The following CDH7 variants were observed in gnomAD, a reference collection of about 807,000 sequenced individuals.
CDH7 encodes the protein cadherin-7.
CDH7 carries 25 observed loss-of-function variants against 71.8 expected under a neutral mutation model. The observed-to-expected ratio is 0.35, with a 90% CI of 0.25 to 0.49. The LOEUF (loss-of-function observed/expected upper bound fraction) is 0.49. Ranked by LOEUF, CDH7 falls within the 20% of genes least tolerant of loss-of-function variation. The pLI, the probability that CDH7 is intolerant of heterozygous loss-of-function variation, is 0.99. For missense variants in CDH7, 862 were observed against 974.6 expected, an observed-to-expected ratio of 0.88 and a Z score of 1.54; for synonymous variants, 381 against 363.8, an observed-to-expected ratio of 1.05 and a Z score of -0.54.
intron 6 of CDH7, among the ~76,000 whole-genome samples, chr18:65,829,341 A>G (rs1199148963): frequency 6.6e-6 from 1 of 151,870 alleles, no homozygotes; most frequent in Non-Finnish European, 1.5e-5. Context: ...GATGGTCTCG[A>G]TCTCCTGAAC....
intron 1 of CDH7, among the ~76,000 whole-genome samples, chr18:65,760,891 C>T (rs1336280278): frequency 1.3e-5 from 2 of 152,134 alleles, no homozygotes; most frequent in African/African-American, 4.8e-5. Context: ...GTAGGAAGCA[C>T]GCCTTTCAGG....
At chr18:65,760,761 AC>A (rs765910383) in intron 1 of CDH7, among the ~76,000 whole-genome samples, 3 of 152,114 alleles carry the variant, frequency 2.0e-5, no homozygotes, top group Non-Finnish European at 4.4e-5. Context: ...CCCTTCCCAT[AC>A]TGTCAGCCAT....
At chr18:65,841,257 C>T (rs556353190) in intron 6 of CDH7, among the ~76,000 whole-genome samples, 1 of 152,188 alleles carries the variant, frequency 6.6e-6, no homozygotes, top group African/African-American at 2.4e-5. Context: ...CCTCATGTTG[C>T]TCCTTTTAGA....
In CDH7 at chr18:65,885,380, T is replaced by G. The variant is rs796809100; in HGVS notation, c.*4486T>G. 4.9e-5 allele frequency: 5 copies of G among 102,912 alleles called. 1 individual carries two copies. Among genetic ancestry groups the G allele is most frequent in the African/African-American group, 1.7e-4 (5 of 29,456 alleles). The allele number at this position is 102,912 out of a possible 1,614,324, so 6.4% of individuals were successfully genotyped here. On this transcript the variant is annotated 3_prime_UTR_variant, in exon 12 of 12. Transcript: ENST00000397968. Reference sequence around the variant, plus strand: ...AAAGGATGTGTGCCTGTGTTTTTTTTTTTTTTTTTTTTTTTGACGTGGAGT... The same window carrying G: ...AAAGGATGTGTGCCTGTGTTTTTTTGTTTTTTTTTTTTTTTGACGTGGAGT...
At chr18:65,877,978 C>T (rs60258793) in intron 11 of CDH7, among the ~76,000 whole-genome samples, 1,952 of 152,150 alleles carry the variant, frequency 0.013, 44 homozygotes, top group African/African-American at 0.045. Flanking sequence ...ATAAACAGTG[C>T]GGGGGCTTTG....
chr18:65,857,561 A>G (rs1219800052), intron 7 of CDH7, among the ~76,000 whole-genome samples: 1 of 151,990 alleles, frequency 6.6e-6, no homozygotes, highest in Non-Finnish European at 1.5e-5. Context: ...ACATATTCAA[A>G]GCCATTGTGA....
chr18:65,766,155 T>C (rs1328231711), intron 2 of CDH7, among the ~76,000 whole-genome samples: 1 of 152,130 alleles, frequency 6.6e-6, no homozygotes, highest in Non-Finnish European at 1.5e-5. Flanking sequence ...ATGCAGCTTT[T>C]AGAAATTATT....
In CDH7 at chr18:65,859,461, A is replaced by G. The variant is rs551968643; in HGVS notation, c.1495-247A>G. Among the ~76,000 whole-genome samples, 103 of 152,324 alleles carry G rather than the reference A, an allele frequency of 6.8e-4. 1 individual carries two copies. In the East Asian group the frequency reaches 0.019, roughly 28 times the overall value. On this transcript the variant is annotated intron_variant, in intron 9 of 11. Coordinates refer to ENST00000397968, the MANE Select transcript of CDH7 (RefSeq NM_004361.5). ...TCTTGTGATGTTTCCTGGGATGTCTAATCAATTGGAACAGCTTATTTCTGA... is the reference window on the plus strand; with the variant it reads ...TCTTGTGATGTTTCCTGGGATGTCTGATCAATTGGAACAGCTTATTTCTGA...
In CDH7 at chr18:65,809,993, C is replaced by T. The variant is rs1301991832; in HGVS notation, c.500C>T (p.Pro167Leu). The change falls in exon 3 of 12, where the codon CCC (proline) becomes CTC (leucine). Residue 167 changes from proline (P) to leucine (L), a missense_variant. Coordinates refer to ENST00000397968, the MANE Select transcript of CDH7 (RefSeq NM_004361.5). ...ACGGCAGGAGTTCCCGAAATGTCTC[C>T]CGTGGGTAAGTAAAGAACACTCTGC... ...PYTAGVPEMS[P>L]VGTSVVQVTA... The T allele has an allele frequency of 1.2e-6, 2 of 1,608,910 alleles. No homozygotes were observed. Among genetic ancestry groups the T allele is most frequent in the East Asian group, 2.2e-5 (1 of 44,716 alleles).
intron 2 of CDH7, among the ~76,000 whole-genome samples, chr18:65,798,894 A>T (rs1287651489): frequency 1.3e-5 from 2 of 152,076 alleles, no homozygotes; most frequent in Admixed American, 6.6e-5. Context: ...GGGATCTGGG[A>T]GGCTTTCGTG....
intron 8 of CDH7, 82 bp downstream of exon 8, chr18:65,858,034 T>A: frequency 7.5e-7 from 1 of 1,340,764 alleles, no homozygotes; most frequent in Non-Finnish European, 1.0e-6. Context: ...AAATTCAAGT[T>A]AATTAAAGTA....
intron 2 of CDH7, among the ~76,000 whole-genome samples, chr18:65,805,013 A>G (rs1599018393): frequency 6.6e-6 from 1 of 152,170 alleles, no homozygotes; most frequent in African/African-American, 2.4e-5. Flanking sequence ...TTAAATGGAC[A>G]GAAATTGAAA....
At chr18:65,835,426 C>T (rs1211175582) in intron 6 of CDH7, among the ~76,000 whole-genome samples, 1 of 152,188 alleles carries the variant, frequency 6.6e-6, no homozygotes. Flanking sequence ...TACTGAATCT[C>T]AGTTCTGCCC....
intron 10 of CDH7, among the ~76,000 whole-genome samples, chr18:65,861,837 G>T (rs1368072954): frequency 6.6e-6 from 1 of 151,242 alleles, no homozygotes; most frequent in African/African-American, 2.4e-5. Context: ...CTCTGATCCT[G>T]ATTTTTCTTC....
intron 7 of CDH7, 101 bp downstream of exon 7, chr18:65,844,166 AAAAAC>A: frequency 4.1e-6 from 1 of 242,982 alleles, no homozygotes; most frequent in Non-Finnish European, 7.3e-6. Context: ...CATAACAAAT[AAAAAC>A]CAGATATATA....
At chr18:65,864,677 A>G (rs1913696542) in intron 11 of CDH7, among the ~76,000 whole-genome samples, 2 of 151,648 alleles carry the variant, frequency 1.3e-5, no homozygotes. Flanking sequence ...TCATGAGGTC[A>G]GGAGATCAAG....
intron 7 of CDH7, among the ~76,000 whole-genome samples, chr18:65,854,677 C>T (rs1439382120): frequency 1.3e-5 from 2 of 152,032 alleles, no homozygotes; most frequent in African/African-American, 2.4e-5. Context: ...TTTGTCTTTT[C>T]ATGAATATTC....
intron 3 of CDH7, among the ~76,000 whole-genome samples, chr18:65,813,070 C>T (rs1289531977): frequency 9.2e-5 from 14 of 152,194 alleles, no homozygotes; most frequent in African/African-American, 2.7e-4. Context: ...TGGTGGCTCA[C>T]GCCTGGAATC....
chr18:65,756,593 C>T (rs1916035678), intron 1 of CDH7, among the ~76,000 whole-genome samples: 1 of 152,206 alleles, frequency 6.6e-6, no homozygotes, highest in South Asian at 2.1e-4. Context: ...AGACCTGCAT[C>T]TGAGGCAGAC....
Sources: gnomAD v4.1 joint callset for allele counts (sites outside exome capture counted in the v4.1 genomes callset) on GRCh38, gnomAD v4.1.1 for gene constraint, MANE v1.5 for transcripts, NCBI Gene and HGNC (gene_info 2026-07-23, HGNC 2026-07-21) for gene names.